Variants in AHCTF1 observed in about 807,000 individuals in gnomAD.
The protein encoded by AHCTF1 is protein ELYS.
In AHCTF1, 24 loss-of-function variants were observed where a neutral mutation model predicts 248.4. That is an observed-to-expected ratio of 0.10 (90% confidence interval 0.07 to 0.14). The LOEUF is 0.14. AHCTF1 is among the 10% of genes least tolerant of loss of function. The probability of loss-of-function intolerance (pLI) is 1.00; values close to 1 mark genes in which losing one functional copy is unlikely to be tolerated. For synonymous variants in AHCTF1, 786 were observed against 929.8 expected (o/e 0.85, Z 2.81); for missense variants, 2,206 against 2,636.2 (o/e 0.84, Z 3.57).
chr1:246,926,675 G>A (rs1389234016), intron 1 of AHCTF1, among the ~76,000 whole-genome samples: 1 of 152,096 alleles, frequency 6.6e-6, no homozygotes, highest in Non-Finnish European at 1.5e-5. Flanking sequence ...CACTAACAGG[G>A]TGAAATCCCG....
intron 21 of AHCTF1, among the ~76,000 whole-genome samples, chr1:246,879,946 C>T (rs1037526322): frequency 7.2e-5 from 11 of 152,072 alleles, no homozygotes; most frequent in African/African-American, 2.7e-4. Context: ...ATAAAATTAG[C>T]ACCAAACTAA....
At chr1:246,927,633 A>C (rs1029932498) in intron 1 of AHCTF1, among the ~76,000 whole-genome samples, 3 of 152,404 alleles carry the variant, frequency 2.0e-5, no homozygotes, top group East Asian at 1.9e-4. Flanking sequence ...CAACCTATAA[A>C]AAGTAATTTA....
chr1:246,871,176 T>C (rs879681623), intron 24 of AHCTF1, among the ~76,000 whole-genome samples: 4 of 152,194 alleles, frequency 2.6e-5, no homozygotes, highest in Non-Finnish European at 4.4e-5. Context: ...AAGGCCCCCA[T>C]GTCTTAGGAC....
At position 246,861,288 on chromosome 1, in the gene AHCTF1, T is replaced by C. The variant is rs1661530173; in HGVS notation, c.3743A>G (p.Asp1248Gly). The change falls in exon 29 of 36, where the codon GAT (aspartate) becomes GGT (glycine). Residue 1248 changes from aspartate to glycine, a missense_variant. Transcript: ENST00000648844. ...AGTAAATACTTCTAATTTGCTATCA[T>C]CTGCAGCCTGTAAAGTAAGATTTTG... ...VHPKWIPGAA[D>G]DSKLEVFTTP... The C allele has an allele frequency of 1.2e-6, 2 of 1,603,822 alleles. No homozygotes were observed. Among genetic ancestry groups the C allele is most frequent in the African/African-American group, 2.7e-5 (2 of 74,696 alleles).
intron 6 of AHCTF1, among the ~76,000 whole-genome samples, chr1:246,905,285 G>A (rs1053734320): frequency 6.6e-6 from 1 of 152,122 alleles, no homozygotes; most frequent in Non-Finnish European, 1.5e-5. Context: ...AGATCATGAG[G>A]TCAGGAGTTC....
chr1:246,929,069 C>T (rs1053764846), intron 1 of AHCTF1, among the ~76,000 whole-genome samples: 1 of 152,112 alleles, frequency 6.6e-6, no homozygotes, highest in African/African-American at 2.4e-5. Flanking sequence ...AATAGAGGTA[C>T]ATATGCTGTG....
Position 246,851,470 on chromosome 1 carries a change from T to C in AHCTF1, c.4564-28A>G, listed in dbSNP as rs778882662. The C allele has an allele frequency of 1.9e-6, 3 of 1,549,584 alleles. No individual in the cohort carries two copies. In the South Asian group the frequency reaches 3.7e-5, roughly 19 times the overall value. On this transcript the variant is annotated intron_variant, in intron 32 of 35. Transcript: ENST00000648844. ...AAATGAATTAAAGATAAGAGACTGG[T>C]TAAAGAATTTTAATACATGTTTTAA...
At chr1:246,912,385 AG>A (rs999461174) in intron 4 of AHCTF1, among the ~76,000 whole-genome samples, 36 of 151,604 alleles carry the variant, frequency 2.4e-4, no homozygotes, top group Middle Eastern at 3.4e-3. Flanking sequence ...CAGGAGGCTG[AG>A]GCAGGAGAAT....
chr1:246,869,105 A>C (rs890010450), intron 24 of AHCTF1, among the ~76,000 whole-genome samples: 2 of 150,788 alleles, frequency 1.3e-5, no homozygotes, highest in Admixed American at 6.6e-5. Flanking sequence ...TGGCCTCCCA[A>C]AGTGCTGGAT....
chr1:246,881,584 C>T (rs1663413733), intron 21 of AHCTF1, among the ~76,000 whole-genome samples: 1 of 152,048 alleles, frequency 6.6e-6, no homozygotes, highest in South Asian at 2.1e-4. Context: ...TACCTGTAAT[C>T]CCAGCACTTT....
chr1:246,880,595 T>A (rs1663330199), intron 21 of AHCTF1, among the ~76,000 whole-genome samples: 2 of 151,880 alleles, frequency 1.3e-5, no homozygotes, highest in South Asian at 4.2e-4. Flanking sequence ...AAATTCCACT[T>A]TAAACTGATA....
At chr1:246,894,846 G>T in intron 13 of AHCTF1, 98 bp from the exon 14 acceptor site, 3 of 976,032 alleles carry the variant, frequency 3.1e-6, no homozygotes, top group Non-Finnish European at 4.8e-6. Context: ...CACCCTAACC[G>T]AGTGAACATC....
chr1:246,888,659 A>C (rs1572419362), intron 17 of AHCTF1, 142 bp from the exon 18 acceptor site: 1 of 1,115,232 alleles, frequency 9.0e-7, no homozygotes, highest in Non-Finnish European at 1.2e-6. Context: ...CTGTAATCCC[A>C]GTGATTTGGG....
chr1:246,839,637 G>A lies in AHCTF1; in HGVS notation c.*1169C>T. ...ATTATTTGGTAGAAAAATAAATGCA[G>A]AAAGCACACTGCATATGCTTCACAT... is the stretch of plus-strand genomic sequence containing the variant. On this transcript the variant is annotated 3_prime_UTR_variant, in exon 36 of 36. Coordinates refer to ENST00000648844, the MANE Select transcript of AHCTF1 (RefSeq NM_001323342.2). The A allele has an allele frequency of 2.3e-6, 2 of 862,312 alleles. No homozygotes were observed. Among genetic ancestry groups the A allele is most frequent in the Non-Finnish European group, 2.8e-6 (2 of 717,200 alleles). The allele number at this position is 862,312 out of a possible 1,614,324, so 53.4% of individuals were successfully genotyped here.
Position 246,842,530 on chromosome 1 carries a change from C to T in AHCTF1, c.6608+164G>A, listed in dbSNP as rs568393004. Among the ~76,000 whole-genome samples the T allele has an allele frequency of 4.6e-5, 7 of 151,862 alleles. No homozygotes were observed. The East Asian group carries it at 7.8e-4, about 17-fold the overall frequency. On this transcript the variant is annotated intron_variant, in intron 35 of 35. Coordinates refer to ENST00000648844, the MANE Select transcript of AHCTF1 (RefSeq NM_001323342.2). Reference sequence around the variant, plus strand: ...CTGGGAGGCAGAGGTTGCAGTGAGCCGAAATCACACCACTGCACTCCAGCC... The same window carrying T: ...CTGGGAGGCAGAGGTTGCAGTGAGCTGAAATCACACCACTGCACTCCAGCC...
intron 20 of AHCTF1, among the ~76,000 whole-genome samples, chr1:246,886,165 T>C (rs1663805529): frequency 6.6e-6 from 1 of 152,116 alleles, no homozygotes; most frequent in South Asian, 2.1e-4. Context: ...ACCTCGTCTC[T>C]ACTAAAAATG....
At chr1:246,899,171 C>T (rs1664819515) in intron 11 of AHCTF1, among the ~76,000 whole-genome samples, 1 of 151,990 alleles carries the variant, frequency 6.6e-6, no homozygotes, top group African/African-American at 2.4e-5. Flanking sequence ...GCCTTCTTTG[C>T]ATTACTTCAT....
Position 246,864,762 on chromosome 1 carries a change from C to T in AHCTF1, c.3348-646G>A, listed in dbSNP as rs1272950193. On this transcript the variant is annotated intron_variant, in intron 26 of 35. Coordinates refer to ENST00000648844, the MANE Select transcript of AHCTF1 (RefSeq NM_001323342.2). Reference sequence around the variant, plus strand: ...GGCTGAGGCAGGAGAATGGCGTGAACCCGGGAAGCGGAGCTTGCAGTGAGC... The same window carrying T: ...GGCTGAGGCAGGAGAATGGCGTGAATCCGGGAAGCGGAGCTTGCAGTGAGC... Among the ~76,000 whole-genome samples, 4 of 60,538 alleles carry T rather than the reference C, an allele frequency of 6.6e-5. 1 individual carries two copies. Among genetic ancestry groups the T allele is most frequent in the African/African-American group, 4.7e-4 (2 of 4,294 alleles). 39.7% of individuals were successfully genotyped at this position (60,538 alleles called of 152,430 possible). A position where few individuals can be genotyped will look rare whatever the true frequency, so the allele number is the denominator to read the frequency against.
rs978244592 is a variant in AHCTF1, at chr1:246,877,274, G to A, written c.2689C>T (p.Arg897Trp). 21 of 1,598,368 alleles carry A rather than the reference G, an allele frequency of 1.3e-5. No homozygotes were observed. Among genetic ancestry groups the A allele is most frequent in the South Asian group, 4.6e-5 (4 of 87,570 alleles). Residue 897 changes from arginine to tryptophan, a missense_variant, in exon 22 of 36, where the codon CGG becomes TGG. Physicochemically the swap from Arg to Trp is moderately radical, Grantham distance 101. This residue lies in a region of AHCTF1 where 650 missense variants were observed against 870.8 expected (regional missense o/e 0.75). Coordinates refer to ENST00000648844, the MANE Select transcript of AHCTF1 (RefSeq NM_001323342.2). ...RCMVEAWNFLRQHCNRLNIEE... is the reference protein window; with the variant it reads ...RCMVEAWNFLWQHCNRLNIEE... ...ATATTCAACCTATTGCAATGTTGCC[G>A]CAAAAAATTCCAGGCTTCAACCATA...
Sources: allele counts gnomAD v4.1 joint callset (sites outside exome capture counted in the v4.1 genomes callset), GRCh38; gene constraint gnomAD v4.1.1; regional missense constraint gnomAD v4.1.1; transcripts MANE v1.5; gene names NCBI Gene and HGNC (gene_info 2026-07-23, HGNC 2026-07-21).